IGF1R: variants seen among roughly 807,000 people sequenced by gnomAD.
IGF1R encodes the protein insulin like growth factor 1 receptor, also known as insulin-like growth factor 1 receptor.
In IGF1R, 44 loss-of-function variants were observed where a neutral mutation model predicts 144.6. The observed-to-expected ratio is 0.30, with a 90% CI of 0.24 to 0.39. The LOEUF (loss-of-function observed/expected upper bound fraction) is 0.39. IGF1R is among the 10% of genes least tolerant of loss of function. The probability of loss-of-function intolerance (pLI) is 1.00; values close to 1 mark genes in which losing one functional copy is unlikely to be tolerated. For missense variants in IGF1R, 1,355 were observed against 1,833.7 expected (o/e 0.74, Z 4.77); for synonymous variants, 795 against 722.8 (o/e 1.10, Z -1.60).
Position 98,679,462 on chromosome 15 carries a change from A to C in IGF1R, c.95-28100A>C, listed in dbSNP as rs373662324. Among the ~76,000 whole-genome samples, 27 of 152,284 alleles carry C rather than the reference A, an allele frequency of 1.8e-4. No individual in the cohort carries two copies. The East Asian group carries it at 5.2e-3, about 29-fold the overall frequency. On this transcript the variant is annotated intron_variant, in intron 1 of 20. Coordinates refer to ENST00000650285, the MANE Select transcript of IGF1R (RefSeq NM_000875.5). The stretch of plus-strand genomic sequence containing the variant: ...GTCAATGGTGGACCTCGTCTGTAAC[A>C]GTAGTCCCATGAGATTATAATGGGG...
rs148388328 is a variant in IGF1R at position 98,682,118 on chromosome 15, G to A, written c.95-25444G>A. Among the ~76,000 whole-genome samples the A allele has an allele frequency of 2.4e-4, 36 of 152,290 alleles. No individual in the cohort carries two copies. In the East Asian group the frequency reaches 6.6e-3, roughly 28 times the overall value. On this transcript the variant is annotated intron_variant, in intron 1 of 20. Coordinates refer to ENST00000650285, the MANE Select transcript of IGF1R (RefSeq NM_000875.5). ...GGAGCAGAACCGTTGGAACCTTCAG[G>A]GCAGGACCTGCCACCATTATTTGGT...
At chr15:98,654,792 G>A (rs753808888) in intron 1 of IGF1R, among the ~76,000 whole-genome samples, 21 of 152,154 alleles carry the variant, frequency 1.4e-4, no homozygotes, top group Admixed American at 4.6e-4. Flanking sequence ...CACATGTTAC[G>A]GATATAGTTT....
At chr15:98,732,380 A>C (rs1596245923) in intron 2 of IGF1R, among the ~76,000 whole-genome samples, 1 of 152,304 alleles carries the variant, frequency 6.6e-6, no homozygotes, top group East Asian at 1.9e-4. Context: ...GCTGGCGGAA[A>C]CCAGTTGTGG....
chr15:98,956,949 A>G (rs1460582496), intron 20 of IGF1R, 112 bp from the exon 21 acceptor site: 2 of 1,219,568 alleles, frequency 1.6e-6, no homozygotes, highest in Non-Finnish European at 2.4e-6. Flanking sequence ...GGCTGTGTTC[A>G]GTGCTCCCGC....
intron 1 of IGF1R, among the ~76,000 whole-genome samples, chr15:98,673,099 A>T (rs1461143324): frequency 6.6e-6 from 1 of 152,082 alleles, no homozygotes; most frequent in Non-Finnish European, 1.5e-5. Context: ...GGCTCAAGTG[A>T]TCCTCTTGCC....
At chr15:98,767,451 G>C (rs909419836) in intron 2 of IGF1R, among the ~76,000 whole-genome samples, 1 of 152,090 alleles carries the variant, frequency 6.6e-6, no homozygotes, top group African/African-American at 2.4e-5. Context: ...GGTTTGTGCT[G>C]TTTTCCACCT....
At chr15:98,936,875 C>G (rs1004586591) in intron 17 of IGF1R, among the ~76,000 whole-genome samples, 4 of 152,054 alleles carry the variant, frequency 2.6e-5, no homozygotes, top group Non-Finnish European at 4.4e-5. Flanking sequence ...CTCTGGCCCT[C>G]TCTGTGTCTC....
chr15:98,794,252 G>C (rs2056190388), intron 2 of IGF1R, among the ~76,000 whole-genome samples: 1 of 152,300 alleles, frequency 6.6e-6, no homozygotes, highest in East Asian at 1.9e-4. Context: ...GCCTTTATTA[G>C]ATGGCCCTCA....
At chr15:98,723,286 C>T (rs556136236) in intron 2 of IGF1R, among the ~76,000 whole-genome samples, 133 of 152,140 alleles carry the variant, frequency 8.7e-4, no homozygotes, top group Non-Finnish European at 1.4e-3. Flanking sequence ...CAAAGGAATT[C>T]CAGACGTTCT....
chr15:98,769,049 AT>A (rs771582928), intron 2 of IGF1R, among the ~76,000 whole-genome samples: 488 of 152,292 alleles, frequency 3.2e-3, no homozygotes, highest in Non-Finnish European at 5.0e-3. Flanking sequence ...ATGCAAAAAA[AT>A]TTTATTTGAC....
At chr15:98,737,824 C>CCT (rs150373687) in intron 2 of IGF1R, among the ~76,000 whole-genome samples, 21 of 150,858 alleles carry the variant, frequency 1.4e-4, no homozygotes, top group South Asian at 2.1e-4. Context: ...GTCTTCTGTG[C>CCT]CTCTCTCTCT....
At chr15:98,868,560 C>T (rs900195290) in intron 2 of IGF1R, among the ~76,000 whole-genome samples, 7 of 152,066 alleles carry the variant, frequency 4.6e-5, no homozygotes, top group Non-Finnish European at 1.0e-4. Flanking sequence ...AACTCTGTGG[C>T]GCATACAGGT....
intron 1 of IGF1R, among the ~76,000 whole-genome samples, chr15:98,706,452 G>A (rs10152359): frequency 0.087 from 13,213 of 152,214 alleles, 1,720 homozygotes; most frequent in African/African-American, 0.28. Flanking sequence ...CTGCAAATGC[G>A]TTGGCCCAGC....
chr15:98,721,841 G>A (rs1416331495), intron 2 of IGF1R, among the ~76,000 whole-genome samples: 1 of 152,186 alleles, frequency 6.6e-6, no homozygotes, highest in African/African-American at 2.4e-5. Flanking sequence ...CACATGTATG[G>A]CCTAGGTGAG....
intron 1 of IGF1R, among the ~76,000 whole-genome samples, chr15:98,650,527 G>GGGTA (rs1402494172): frequency 6.6e-6 from 1 of 152,234 alleles, no homozygotes; most frequent in South Asian, 2.1e-4. Context: ...GGGGATGGAG[G>GGGTA]GGTACTAGGG....
intron 2 of IGF1R, among the ~76,000 whole-genome samples, chr15:98,755,751 AAAG>A: frequency 4.2e-5 from 4 of 94,236 alleles, no homozygotes; most frequent in African/African-American, 2.1e-4. Flanking sequence ...AAAAAAAAAA[AAAG>A]GCATTACTGC....
intron 2 of IGF1R, among the ~76,000 whole-genome samples, chr15:98,870,780 G>C (rs1290210977): frequency 6.6e-6 from 1 of 152,212 alleles, no homozygotes; most frequent in Non-Finnish European, 1.5e-5. Context: ...CCTTGATACA[G>C]GGTCAGAGAG....
intron 2 of IGF1R, among the ~76,000 whole-genome samples, chr15:98,856,247 A>G (rs1341295131): frequency 6.6e-6 from 1 of 152,254 alleles, no homozygotes; most frequent in African/African-American, 2.4e-5. Context: ...CTTGTAGACG[A>G]GGACAATCGT....
intron 6 of IGF1R, among the ~76,000 whole-genome samples, chr15:98,910,698 TG>T (rs2014972154): frequency 6.6e-6 from 1 of 152,260 alleles, no homozygotes; most frequent in Non-Finnish European, 1.5e-5. Context: ...ACGTTAGGCT[TG>T]GCCAAGTGAG....
Sources: gnomAD v4.1 joint callset for allele counts (sites outside exome capture counted in the v4.1 genomes callset) on GRCh38, gnomAD v4.1.1 for gene constraint, MANE v1.5 for transcripts, NCBI Gene and HGNC (gene_info 2026-07-23, HGNC 2026-07-21) for gene names.